The following SMAD1 variants were observed in gnomAD, a reference collection of about 807,000 sequenced individuals.
SMAD1 encodes SMAD family member 1, also known as MAD, mothers against decapentaplegic homolog 1.
Under a neutral mutation model 41.6 loss-of-function variants are expected in SMAD1, and 6 were observed. The ratio of observed to expected loss-of-function variants is 0.14; its 90% CI spans 0.08 to 0.28. SMAD1 has a LOEUF of 0.28. Ranked by LOEUF, SMAD1 falls within the 10% of genes least tolerant of loss-of-function variation. The pLI is 1.00. For synonymous variants in SMAD1, 206 were observed against 203.2 expected (o/e 1.01, Z -0.12); for missense variants, 379 against 582.6 (o/e 0.65, Z 3.60).
At chr4:145,525,158 A>G (rs1228150147) in intron 2 of SMAD1, among the ~76,000 whole-genome samples, 1 of 152,200 alleles carries the variant, frequency 6.6e-6, no homozygotes. Flanking sequence ...ATTTGGTTTT[A>G]CTTTCAGCCT....
At position 145,482,288 on chromosome 4, in the gene SMAD1, C is replaced by T. The variant is rs1347347173; in HGVS notation, c.-177+250C>T. ...GAGCGAACCTGCTACCACGTCTTCT[C>T]GCGCCCAGCCCGCCGGGCTCCCCTG... On this transcript the variant is annotated intron_variant, in intron 1 of 6. Coordinates refer to ENST00000302085, the MANE Select transcript of SMAD1 (RefSeq NM_005900.3). This position sits in a 1 kb window ranked among gnomAD's most constrained non-coding sequence, Gnocchi z 4.2. 2.9e-4 allele frequency among the ~76,000 whole-genome samples: 44 copies of T among 150,774 alleles called. No homozygotes were observed. The highest frequency in any genetic ancestry group is 3.8e-4 in the Non-Finnish European group (26 of 67,572).
chr4:145,484,225 A>G (rs1336118200), intron 1 of SMAD1, among the ~76,000 whole-genome samples: 1 of 152,196 alleles, frequency 6.6e-6, no homozygotes, highest in African/African-American at 2.4e-5. Context: ...TGTGTGTATA[A>G]AAGATCTCAT....
chr4:145,556,401 T>C (rs1367021755), intron 6 of SMAD1, among the ~76,000 whole-genome samples: 2 of 152,162 alleles, frequency 1.3e-5, no homozygotes, highest in African/African-American at 2.4e-5. Flanking sequence ...TATATATATA[T>C]CTACATAGAT....
At chr4:145,542,823 AAGAGAAGCTCACTAC>A (rs2126521950) in intron 4 of SMAD1, 125 bp downstream of exon 4, 2 of 608,128 alleles carry the variant, frequency 3.3e-6, no homozygotes, top group Admixed American at 6.1e-5. Context: ...GTCCAATGTT[AAGAGAAGCTCACTAC>A]AATTGCTGGA....
chr4:145,555,834 A>G (rs898426625), intron 6 of SMAD1, among the ~76,000 whole-genome samples: 1 of 152,190 alleles, frequency 6.6e-6, no homozygotes. Flanking sequence ...ATGCCCTAGT[A>G]TATCTTTAAT....
chr4:145,557,782 T>G lies in SMAD1; in HGVS notation c.1255-9T>G. ...ACAAGTTAAATGACCTCCAGTATGTTTTTCCTAGGGCTGGGGAGCAGAATA... is the reference window on the plus strand; with the variant it reads ...ACAAGTTAAATGACCTCCAGTATGTGTTTCCTAGGGCTGGGGAGCAGAATA... On this transcript the variant is annotated splice_polypyrimidine_tract_variant and intron_variant, in intron 6 of 6. Transcript: ENST00000302085. 1 of 1,598,712 alleles carries G rather than the reference T, an allele frequency of 6.3e-7. No homozygotes were observed. Among genetic ancestry groups the G allele is most frequent in the Non-Finnish European group, 8.5e-7 (1 of 1,171,690 alleles).
intron 2 of SMAD1, among the ~76,000 whole-genome samples, chr4:145,526,268 T>C (rs1731012420): frequency 6.6e-6 from 1 of 152,196 alleles, no homozygotes. Context: ...AGAGTGAAAT[T>C]GCCTTATATG....
At chr4:145,549,827 G>A (rs1013526764) in intron 5 of SMAD1, among the ~76,000 whole-genome samples, 4 of 152,174 alleles carry the variant, frequency 2.6e-5, no homozygotes, top group Admixed American at 1.3e-4. Context: ...ACTCTTGACT[G>A]TAAATTTAAT....
chr4:145,554,160 CTTA>C lies in SMAD1; in HGVS notation c.1254+125_1254+127del, dbSNP rs897416534. The C allele has an allele frequency of 4.7e-4, 433 of 919,490 alleles. 5 individuals are homozygous for C. The highest frequency in any genetic ancestry group is 1.1e-3 in the South Asian group (60 of 54,296). The allele number at this position is 919,490 out of a possible 1,614,324, so 57.0% of individuals were successfully genotyped here. A position where few individuals can be genotyped will look rare whatever the true frequency, so the allele number is the denominator to read the frequency against. ...GATAACATATTATCATATTAGCTGA[CTTA>C]TTATCTAGGCATTTTTAAACTTTAA... is the stretch of plus-strand genomic sequence containing the variant. On this transcript the variant is annotated intron_variant, in intron 6 of 6. Coordinates refer to ENST00000302085, the MANE Select transcript of SMAD1 (RefSeq NM_005900.3).
Position 145,536,892 on chromosome 4 carries a change from A to G in SMAD1, c.401-2912A>G, listed in dbSNP as rs1408374792. ...GCAGACACATCGTGTGCTTCTGTGC[A>G]TGTGAACTGAGAAGGGAATGATACC... On this transcript the variant is annotated intron_variant, in intron 2 of 6. Transcript: ENST00000302085. 2.6e-5 allele frequency among the ~76,000 whole-genome samples: 4 copies of G among 152,184 alleles called. No homozygotes were observed. The East Asian group carries it at 7.7e-4, about 29-fold the overall frequency.
At chr4:145,553,379 G>A (rs1273701253) in intron 5 of SMAD1, among the ~76,000 whole-genome samples, 1 of 152,070 alleles carries the variant, frequency 6.6e-6, no homozygotes, top group Non-Finnish European at 1.5e-5. Context: ...CAGGGGATGG[G>A]AAAGGGATAG....
At chr4:145,505,894 G>T (rs1729748398) in intron 1 of SMAD1, among the ~76,000 whole-genome samples, 1 of 151,592 alleles carries the variant, frequency 6.6e-6, no homozygotes, top group Non-Finnish European at 1.5e-5. Context: ...ACCCAGGCTG[G>T]AGTGCAATGG....
intron 1 of SMAD1, chr4:145,496,954 A>G (rs533870640): frequency 6.6e-6 from 1 of 152,328 alleles, no homozygotes; most frequent in Admixed American, 6.5e-5. Context: ...AGTGATTTAT[A>G]TGACATAAAA....
rs2126406954 is a variant in SMAD1, at chr4:145,514,089, G to C, written c.-176-349G>C. Among the ~76,000 whole-genome samples the C allele has an allele frequency of 6.6e-6, 1 of 152,260 alleles. No homozygotes were observed. Among genetic ancestry groups the C allele is most frequent in the Admixed American group, 6.5e-5 (1 of 15,306 alleles). ...TTCTGGACAATACAGGCTCTGGTGA[G>C]GGCTCTCTTCCTGGCTTGCAGATGA... On this transcript the variant is annotated intron_variant, in intron 1 of 6. Coordinates refer to ENST00000302085, the MANE Select transcript of SMAD1 (RefSeq NM_005900.3). The surrounding 1 kb of genome is among the most constrained non-coding windows in gnomAD (Gnocchi z 4.7).
chr4:145,538,302 A>C (rs1354665031), intron 2 of SMAD1, among the ~76,000 whole-genome samples: 1 of 152,234 alleles, frequency 6.6e-6, no homozygotes, highest in Non-Finnish European at 1.5e-5. Flanking sequence ...GACTATTGAA[A>C]GGTAGAAGAA....
At position 145,524,718 on chromosome 4, in the gene SMAD1, T is replaced by A. The variant is rs17020284; in HGVS notation, c.400+9705T>A. On this transcript the variant is annotated intron_variant, in intron 2 of 6. Coordinates refer to ENST00000302085, the MANE Select transcript of SMAD1 (RefSeq NM_005900.3). ...TTCAGATTCATTTAAAGTGCAGCTG[T>A]CTTCCACCCTCCATTGCTGGTTCAT... Among the ~76,000 whole-genome samples the A allele has an allele frequency of 3.8e-3, 577 of 152,062 alleles. 1 individual carries two copies. The highest frequency in any genetic ancestry group is 0.013 in the African/African-American group (547 of 41,482).
At chr4:145,543,842 A>G (rs1035115825) in intron 4 of SMAD1, among the ~76,000 whole-genome samples, 2 of 152,224 alleles carry the variant, frequency 1.3e-5, no homozygotes, top group Admixed American at 6.5e-5. Context: ...AACACATGGC[A>G]TGGGTCATGC....
rs1401631127 is a variant in SMAD1 at position 145,546,798 on chromosome 4, T to A, written c.871T>A (p.Ser291Thr). 2 of 1,613,914 alleles carry A rather than the reference T, an allele frequency of 1.2e-6. No individual in the cohort carries two copies. Among genetic ancestry groups the A allele is most frequent in the Non-Finnish European group, 1.7e-6 (2 of 1,179,778 alleles). The change falls in exon 5 of 7, where the codon TCC (serine) becomes ACC (threonine). Residue 291 changes from serine to threonine, a missense_variant. By Grantham distance (58) the Ser-to-Thr change is moderately conservative. Transcript: ENST00000302085. ...NRVGEAFHASSTSVLVDGFTD... is the reference protein window; with the variant it reads ...NRVGEAFHASTTSVLVDGFTD... ...TGTGGGTGAAGCGTTCCATGCCTCC[T>A]CCACAAGTGTGTTGGTGGATGGTTT... is the stretch of plus-strand genomic sequence containing the variant.
intron 5 of SMAD1, among the ~76,000 whole-genome samples, chr4:145,550,758 A>G (rs1424197362): frequency 6.6e-6 from 1 of 152,192 alleles, no homozygotes; most frequent in South Asian, 2.1e-4. Context: ...TAGAAATATA[A>G]TGAAAGGGGA....
Sources: allele counts gnomAD v4.1 joint callset (sites outside exome capture counted in the v4.1 genomes callset), GRCh38; gene constraint gnomAD v4.1.1; non-coding constraint Gnocchi (gnomAD v3.1); transcripts MANE v1.5; gene names NCBI Gene and HGNC (gene_info 2026-07-23, HGNC 2026-07-21).